Variants in DIAPH2 observed in about 807,000 individuals in gnomAD.
The protein encoded by DIAPH2 is protein diaphanous homolog 2.
A neutral mutation model predicts 92.7 loss-of-function variants in DIAPH2; 35 were observed. The ratio of observed to expected loss-of-function variants is 0.38; its 90% confidence interval spans 0.29 to 0.50. The LOEUF is 0.50. Among genes scored for constraint, DIAPH2 ranks in the 20% least tolerant of loss-of-function variants. The probability of loss-of-function intolerance (pLI) is 0.94; values close to 1 mark genes in which losing one functional copy is unlikely to be tolerated. For synonymous variants in DIAPH2, 301 were observed against 280.4 expected (o/e 1.07, Z -0.73); for missense variants, 701 against 819.5 (o/e 0.86, Z 1.77).
chrX:97,481,470 T>C (rs2070650173), intron 26 of DIAPH2, among the ~76,000 whole-genome samples: 1 of 111,510 alleles, frequency 9.0e-6, no homozygotes, highest in Non-Finnish European at 1.9e-5. Flanking sequence ...TGATAAGATA[T>C]CCAGAGTGAG....
intron 5 of DIAPH2, among the ~76,000 whole-genome samples, chrX:96,902,676 A>G (rs2065406052): frequency 8.9e-6 from 1 of 111,830 alleles, no homozygotes; most frequent in African/African-American, 3.2e-5. Context: ...CAATAAAAAT[A>G]AATATAAATT....
rs904142253 is a variant in DIAPH2, at chrX:97,385,531, C to T, written c.3145+1487C>T. Among the ~76,000 whole-genome samples, 3 of 111,271 alleles carry T rather than the reference C, an allele frequency of 2.7e-5. No individual in the cohort carries two copies. In the East Asian group the frequency reaches 8.5e-4, roughly 31 times the overall value. The stretch of plus-strand genomic sequence containing the variant: ...CAAGCGTGAGCCACTGCACCCGGCA[C>T]TTTTACATATTTTAAGTCAATCCTC... On this transcript the variant is annotated intron_variant, in intron 25 of 26. Coordinates refer to ENST00000324765, the MANE Select transcript of DIAPH2 (RefSeq NM_006729.5).
intron 22 of DIAPH2, among the ~76,000 whole-genome samples, chrX:97,182,161 G>A (rs1314656336): frequency 9.0e-6 from 1 of 110,994 alleles, no homozygotes; most frequent in African/African-American, 3.3e-5. Flanking sequence ...TGGCTTGTGG[G>A]GGCTAGGCAT....
intron 24 of DIAPH2, among the ~76,000 whole-genome samples, chrX:97,369,856 AT>A (rs1266654508): frequency 8.9e-6 from 1 of 111,888 alleles, no homozygotes; most frequent in East Asian, 2.8e-4. Flanking sequence ...TGCAAAAAAA[AT>A]CTCTCTGTTC....
rs779983019 is a variant in DIAPH2, at chrX:97,336,962, A to G, written c.2845-11154A>G. Among the ~76,000 whole-genome samples the G allele has an allele frequency of 7.2e-5, 8 of 111,024 alleles. No individual in the cohort carries two copies. The East Asian group carries it at 2.3e-3, about 32-fold the overall frequency. The stretch of plus-strand genomic sequence containing the variant: ...TTTTTTATCCTAGCTGACTCAGACC[A>G]TTTATGGAAAAGTGGGGTCATTGCA... On this transcript the variant is annotated intron_variant, in intron 23 of 26. Transcript: ENST00000324765.
rs746116173 is a variant in DIAPH2 at position 97,316,252 on chromosome X, G to A, written c.2845-31864G>A. Among the ~76,000 whole-genome samples the A allele has an allele frequency of 3.6e-5, 4 of 110,906 alleles. No homozygotes were observed. The South Asian group carries it at 1.5e-3, about 43-fold the overall frequency. ...TATGCCGTGAAGACATTGATTTAAAGAAGCATAGATGATCCTTCCTGTTCT... is the reference window on the plus strand; with the variant it reads ...TATGCCGTGAAGACATTGATTTAAAAAAGCATAGATGATCCTTCCTGTTCT... On this transcript the variant is annotated intron_variant, in intron 23 of 26. Coordinates refer to ENST00000324765, the MANE Select transcript of DIAPH2 (RefSeq NM_006729.5).
chrX:97,109,299 T>C (rs1460640160), intron 20 of DIAPH2, among the ~76,000 whole-genome samples: 1 of 109,382 alleles, frequency 9.1e-6, no homozygotes, highest in East Asian at 2.9e-4. Flanking sequence ...CATGTGCCTG[T>C]AGTCCTGGCT....
At chrX:96,981,239 T>G (rs917994615) in intron 17 of DIAPH2, among the ~76,000 whole-genome samples, 1 of 109,985 alleles carries the variant, frequency 9.1e-6, no homozygotes, top group Non-Finnish European at 1.9e-5. Flanking sequence ...GAAACTTAGA[T>G]TTTTTTTTGT....
chrX:97,465,887 C>T (rs755996255), intron 26 of DIAPH2, among the ~76,000 whole-genome samples: 1 of 111,452 alleles, frequency 9.0e-6, no homozygotes, highest in South Asian at 3.8e-4. Context: ...GGGGTTTCAC[C>T]ATGTTGGTCA....
intron 26 of DIAPH2, among the ~76,000 whole-genome samples, chrX:97,452,400 C>T (rs980718148): frequency 9.0e-6 from 1 of 111,645 alleles, no homozygotes; most frequent in Non-Finnish European, 1.9e-5. Context: ...TGAACAGAAG[C>T]TATCAGTGTC....
At chrX:97,297,289 C>G (rs1005371477) in intron 23 of DIAPH2, among the ~76,000 whole-genome samples, 10 of 108,868 alleles carry the variant, frequency 9.2e-5, no homozygotes, top group African/African-American at 3.3e-4. Context: ...AAATGGAGAC[C>G]TTCATTTAGC....
At chrX:97,376,797 GC>G (rs775815010) in intron 24 of DIAPH2, among the ~76,000 whole-genome samples, 18 of 111,634 alleles carry the variant, frequency 1.6e-4, no homozygotes, top group Non-Finnish European at 3.0e-4. Flanking sequence ...AGATGCTATG[GC>G]CTACTATACA....
intron 19 of DIAPH2, among the ~76,000 whole-genome samples, chrX:97,088,377 T>C (rs1436287143): frequency 8.9e-6 from 1 of 112,505 alleles, no homozygotes; most frequent in Non-Finnish European, 1.9e-5. Context: ...TTATTCTTAA[T>C]CTTTTGAAGT....
intron 4 of DIAPH2, among the ~76,000 whole-genome samples, chrX:96,876,324 G>A (rs1002572101): frequency 6.8e-4 from 76 of 111,748 alleles, no homozygotes; most frequent in Non-Finnish European, 1.2e-3. Context: ...ACTGTAAACT[G>A]GTTCAACCAC....
At chrX:96,798,881 G>T (rs1455383603) in intron 4 of DIAPH2, among the ~76,000 whole-genome samples, 7 of 110,993 alleles carry the variant, frequency 6.3e-5, no homozygotes, top group Admixed American at 3.8e-4. Context: ...TCTCCCCTCT[G>T]ACTGATCAGA....
intron 4 of DIAPH2, among the ~76,000 whole-genome samples, chrX:96,845,280 A>G (rs752020286): frequency 8.9e-6 from 1 of 111,968 alleles, no homozygotes; most frequent in African/African-American, 3.2e-5. Flanking sequence ...GTCTTCAGAG[A>G]TACTTAGGTA....
chrX:96,984,421 C>T (rs1280526884), intron 17 of DIAPH2, among the ~76,000 whole-genome samples: 2 of 110,199 alleles, frequency 1.8e-5, no homozygotes, highest in Non-Finnish European at 3.8e-5. Context: ...TTCCTCTGGG[C>T]CATATGTTAA....
intron 1 of DIAPH2, among the ~76,000 whole-genome samples, chrX:96,726,353 G>A (rs1257006518): frequency 5.4e-5 from 6 of 111,709 alleles, no homozygotes; most frequent in African/African-American, 2.0e-4. Context: ...GAAAAACCTG[G>A]TCCTTACTAC....
intron 5 of DIAPH2, among the ~76,000 whole-genome samples, chrX:96,897,666 GT>G (rs2065354612): frequency 9.1e-6 from 1 of 109,929 alleles, no homozygotes; most frequent in South Asian, 3.9e-4. Flanking sequence ...AAAAATCCAA[GT>G]TATTTGTAGG....
Sources: gnomAD v4.1 joint callset for allele counts (sites outside exome capture counted in the v4.1 genomes callset) on GRCh38, gnomAD v4.1.1 for gene constraint, MANE v1.5 for transcripts, NCBI Gene and HGNC (gene_info 2026-07-23, HGNC 2026-07-21) for gene names.